ANK3: variants seen among roughly 807,000 people sequenced by gnomAD.
The protein encoded by ANK3 is ankyrin-3.
Under a neutral mutation model 370.9 loss-of-function variants are expected in ANK3, and 57 were observed. That is an observed-to-expected ratio of 0.15 (90% CI 0.12 to 0.19). The LOEUF (loss-of-function observed/expected upper bound fraction) is 0.19. ANK3 is among the 10% of genes least tolerant of loss of function. The probability of loss-of-function intolerance (pLI) is 1.00; values close to 1 mark genes in which losing one functional copy is unlikely to be tolerated. For missense variants in ANK3, 4,439 were observed against 5,302.1 expected, an observed-to-expected ratio of 0.84 and a Z score of 5.06; for synonymous variants, 1,929 against 1,946.3, an observed-to-expected ratio of 0.99 and a Z score of 0.23.
intron 2 of ANK3, among the ~76,000 whole-genome samples, chr10:60,431,621 G>A (rs2064025850): frequency 6.6e-6 from 1 of 152,070 alleles, no homozygotes; most frequent in African/African-American, 2.4e-5. Flanking sequence ...CACAGGGAGG[G>A]GAACATCACA....
In ANK3 at chr10:60,076,006, A is replaced by C. The variant is rs1393554690; in HGVS notation, c.4875T>G (p.Ser1625=). 2.5e-6 allele frequency: 4 copies of C among 1,614,186 alleles called. No individual in the cohort carries two copies. The part of the protein sequence containing the change: ...ASNSTFSSRT[S]PVTTAGSLLE... ...AAAGAGACCCTGCTGTAGTCACTGGAGAGGTTCGAGAGGAAAACGTAGAAT... is the reference window on the plus strand; with the variant it reads ...AAAGAGACCCTGCTGTAGTCACTGGCGAGGTTCGAGAGGAAAACGTAGAAT... Residue 1625 remains serine, a synonymous_variant, in exon 37 of 44, where the codon TCT becomes TCG. Coordinates refer to ENST00000280772, the MANE Select transcript of ANK3 (RefSeq NM_020987.5).
At chr10:60,516,342 C>T (rs531355078) in intron 2 of ANK3, among the ~76,000 whole-genome samples, 28 of 152,218 alleles carry the variant, frequency 1.8e-4, no homozygotes, top group African/African-American at 6.7e-4. Context: ...GGCACAGGTA[C>T]TGGGAGCCAG....
intron 10 of ANK3, among the ~76,000 whole-genome samples, chr10:60,206,981 T>C (rs2132438314): frequency 6.6e-6 from 1 of 152,238 alleles, no homozygotes; most frequent in East Asian, 1.9e-4. Context: ...CAGAGGAAAA[T>C]GAGAGTGGGA....
At chr10:60,638,685 A>T (rs1418739545) in intron 1 of ANK3, among the ~76,000 whole-genome samples, 4 of 152,118 alleles carry the variant, frequency 2.6e-5, no homozygotes, top group East Asian at 1.9e-4. Flanking sequence ...AACTAAAAAA[A>T]ATATAAACAC....
intron 2 of ANK3, among the ~76,000 whole-genome samples, chr10:60,532,378 G>A (rs2076625465): frequency 1.3e-5 from 2 of 152,116 alleles, no homozygotes; most frequent in South Asian, 4.1e-4. Flanking sequence ...GCTACATTTG[G>A]TTGAGTCCTA....
chr10:60,329,927 C>A lies in ANK3; in HGVS notation c.115-50288G>T, dbSNP rs544278495. On this transcript the variant is annotated intron_variant, in intron 1 of 43. Transcript: ENST00000280772. Reference sequence around the variant, plus strand: ...TAACCAAAACAGCATGGTACTGGTACCAAGACAGATATATAGACCAATGAA... The same window carrying A: ...TAACCAAAACAGCATGGTACTGGTAACAAGACAGATATATAGACCAATGAA... 2.0e-5 allele frequency among the ~76,000 whole-genome samples: 3 copies of A among 152,168 alleles called. No homozygotes were observed. In the South Asian group the frequency reaches 6.2e-4, roughly 32 times the overall value.
chr10:60,044,144 T>C, intron 42 of ANK3: 1 of 985,578 alleles, frequency 1.0e-6, no homozygotes, highest in Non-Finnish European at 1.2e-6. Flanking sequence ...CTGTAGGAAG[T>C]AATGGTGAAA....
In ANK3 at chr10:60,227,793, T is replaced by C. The variant is rs1454122685; in HGVS notation, c.897+6895A>G. On this transcript the variant is annotated intron_variant, in intron 8 of 43. Coordinates refer to ENST00000280772, the MANE Select transcript of ANK3 (RefSeq NM_020987.5). The stretch of plus-strand genomic sequence containing the variant: ...GGTTCTTTCCCCCGCATTATACTCG[T>C]TTCTCCTATAGCTTAACATATTTAT... Among the ~76,000 whole-genome samples, 6 of 152,310 alleles carry C rather than the reference T, an allele frequency of 3.9e-5. No homozygotes were observed. In the East Asian group the frequency reaches 1.2e-3, roughly 29 times the overall value.
intron 2 of ANK3, among the ~76,000 whole-genome samples, chr10:60,450,355 A>G (rs1459833819): frequency 6.6e-6 from 1 of 152,154 alleles, no homozygotes; most frequent in Non-Finnish European, 1.5e-5. Context: ...GCCACTTTCC[A>G]TGATGTAAAT....
At chr10:60,054,611 T>C (rs1196814754) in intron 42 of ANK3, among the ~76,000 whole-genome samples, 2 of 152,284 alleles carry the variant, frequency 1.3e-5, no homozygotes, top group African/African-American at 2.4e-5. Context: ...CAGAAGGGAA[T>C]AGGAAAGGAT....
At chr10:60,615,450 G>A (rs1318989891) in intron 1 of ANK3, among the ~76,000 whole-genome samples, 1 of 151,748 alleles carries the variant, frequency 6.6e-6, no homozygotes, top group African/African-American at 2.4e-5. Context: ...GAAAAGCAGG[G>A]ACACCAAATC....
chr10:60,594,093 ATC>A (rs904200421), intron 2 of ANK3, among the ~76,000 whole-genome samples: 1 of 152,212 alleles, frequency 6.6e-6, no homozygotes, highest in African/African-American at 2.4e-5. Flanking sequence ...TTAAAGAATT[ATC>A]TGTTTTAATT....
chr10:60,144,891 A>G (rs2094740506), intron 23 of ANK3, among the ~76,000 whole-genome samples: 1 of 152,180 alleles, frequency 6.6e-6, no homozygotes, highest in Non-Finnish European at 1.5e-5. Flanking sequence ...CATGTCGAAT[A>G]AAGGAAATAG....
chr10:60,079,194 C>CACACACAT (rs1249730415), intron 36 of ANK3, among the ~76,000 whole-genome samples: 1 of 149,866 alleles, frequency 6.7e-6, no homozygotes, highest in African/African-American at 2.5e-5. Flanking sequence ...CACACACACA[C>CACACACAT]ACACACACAC....
chr10:60,443,991 A>G (rs934199742), intron 2 of ANK3, among the ~76,000 whole-genome samples: 7 of 152,094 alleles, frequency 4.6e-5, no homozygotes, highest in Non-Finnish European at 7.4e-5. Flanking sequence ...CCTTCAGTTA[A>G]CCAGAGGCCC....
intron 2 of ANK3, among the ~76,000 whole-genome samples, chr10:60,435,073 C>T (rs1416178397): frequency 2.6e-5 from 4 of 152,162 alleles, no homozygotes; most frequent in Non-Finnish European, 2.9e-5. Flanking sequence ...CAACCTCATT[C>T]TTGAGAACGG....
intron 1 of ANK3, among the ~76,000 whole-genome samples, chr10:60,339,068 G>A (rs2053677156): frequency 6.6e-6 from 1 of 151,902 alleles, no homozygotes; most frequent in South Asian, 2.1e-4. Flanking sequence ...TCTTTTCTTT[G>A]TTAGTACCAA....
chr10:60,518,587 T>C (rs2076277811), intron 2 of ANK3, among the ~76,000 whole-genome samples: 1 of 152,150 alleles, frequency 6.6e-6, no homozygotes, highest in South Asian at 2.1e-4. Context: ...CTGTTTAGGA[T>C]ACAGTGTACT....
intron 1 of ANK3, among the ~76,000 whole-genome samples, chr10:60,673,727 T>A (rs2079090310): frequency 6.6e-6 from 1 of 152,210 alleles, no homozygotes; most frequent in Admixed American, 6.5e-5. Flanking sequence ...AAGTATCTAC[T>A]AAACTCTAAC....
Sources: allele counts gnomAD v4.1 joint callset (sites outside exome capture counted in the v4.1 genomes callset), GRCh38; gene constraint gnomAD v4.1.1; transcripts MANE v1.5; gene names NCBI Gene and HGNC (gene_info 2026-07-23, HGNC 2026-07-21).